DCC: variants seen among roughly 807,000 people sequenced by gnomAD.
DCC encodes the protein netrin receptor DCC.
In DCC, 58 loss-of-function variants were observed where a neutral mutation model predicts 172.5. That is an observed-to-expected ratio of 0.34 (90% CI 0.27 to 0.42). The LOEUF is 0.42. Ranked by LOEUF, DCC falls within the 10% of genes least tolerant of loss-of-function variation. The pLI, the probability that DCC is intolerant of heterozygous loss-of-function variation, is 1.00. For synonymous variants in DCC, 709 were observed against 644.5 expected (o/e 1.10, Z -1.52); for missense variants, 1,740 against 1,791.0 (o/e 0.97, Z 0.51).
intron 3 of DCC, among the ~76,000 whole-genome samples, chr18:52,922,671 CAAAT>C (rs748556397): frequency 4.6e-5 from 7 of 152,120 alleles, no homozygotes; most frequent in African/African-American, 7.2e-5. Flanking sequence ...CATCTTGTCT[CAAAT>C]AAACTTTGAG....
At chr18:53,349,700 G>C (rs955916330) in intron 15 of DCC, among the ~76,000 whole-genome samples, 4 of 152,218 alleles carry the variant, frequency 2.6e-5, no homozygotes, top group Non-Finnish European at 5.9e-5. Flanking sequence ...CCAAAAGAGA[G>C]CTTGTGCATA....
intron 14 of DCC, among the ~76,000 whole-genome samples, chr18:53,323,565 G>A (rs1189210416): frequency 6.6e-6 from 1 of 152,128 alleles, no homozygotes; most frequent in African/African-American, 2.4e-5. Context: ...GTGAAGTATA[G>A]GAAGTTGCCA....
At chr18:52,894,737 A>T (rs1197523846) in intron 2 of DCC, among the ~76,000 whole-genome samples, 1 of 152,008 alleles carries the variant, frequency 6.6e-6, no homozygotes, top group Non-Finnish European at 1.5e-5. Flanking sequence ...GCAAGAGAAG[A>T]CTAATGTCCC....
At chr18:52,776,140 A>T (rs921809180) in intron 2 of DCC, among the ~76,000 whole-genome samples, 3 of 152,224 alleles carry the variant, frequency 2.0e-5, no homozygotes, top group Non-Finnish European at 2.9e-5. Flanking sequence ...TTTTTGCAAC[A>T]CAACAGAGAA....
At chr18:52,706,740 G>C (rs886563260) in intron 1 of DCC, among the ~76,000 whole-genome samples, 1 of 152,204 alleles carries the variant, frequency 6.6e-6, no homozygotes, top group Non-Finnish European at 1.5e-5. Flanking sequence ...GTACTGGAAA[G>C]GGAGAGATGA....
At chr18:52,812,814 C>T (rs930044482) in intron 2 of DCC, among the ~76,000 whole-genome samples, 2 of 152,198 alleles carry the variant, frequency 1.3e-5, no homozygotes, top group East Asian at 3.9e-4. Flanking sequence ...TTCAACAGAT[C>T]TTAGCAACTA....
chr18:52,741,954 C>T (rs1038345040), intron 1 of DCC, among the ~76,000 whole-genome samples: 1 of 152,114 alleles, frequency 6.6e-6, no homozygotes, highest in Non-Finnish European at 1.5e-5. Flanking sequence ...TAGGGTTAGA[C>T]AAGATCATAA....
intron 12 of DCC, among the ~76,000 whole-genome samples, chr18:53,267,621 A>C (rs1409738113): frequency 6.6e-6 from 1 of 152,114 alleles, no homozygotes; most frequent in Non-Finnish European, 1.5e-5. Context: ...ATCATGCCCA[A>C]CTAATTTTTT....
intron 1 of DCC, among the ~76,000 whole-genome samples, chr18:52,698,146 A>C (rs927693903): frequency 6.6e-6 from 1 of 152,222 alleles, no homozygotes; most frequent in Non-Finnish European, 1.5e-5. Context: ...AGAAGTAATA[A>C]AAAATTCAAA....
intron 5 of DCC, among the ~76,000 whole-genome samples, chr18:52,950,480 G>A (rs1342955274): frequency 6.6e-6 from 1 of 152,094 alleles, no homozygotes; most frequent in African/African-American, 2.4e-5. Flanking sequence ...AAATTCCTTT[G>A]GACAAGAGAG....
chr18:53,412,742 C>T (rs537747410), intron 20 of DCC, among the ~76,000 whole-genome samples: 19 of 152,166 alleles, frequency 1.2e-4, no homozygotes, highest in East Asian at 3.9e-4. Flanking sequence ...TTGCAAGGAT[C>T]GCAGCATTTT....
intron 7 of DCC, among the ~76,000 whole-genome samples, chr18:53,154,804 AG>A (rs1292171164): frequency 6.6e-6 from 1 of 152,126 alleles, no homozygotes; most frequent in Non-Finnish European, 1.5e-5. Context: ...AAGCAGGCTG[AG>A]GGGGAGGGAG....
At chr18:53,525,518 C>T (rs2046444964) in intron 27 of DCC, among the ~76,000 whole-genome samples, 1 of 152,010 alleles carries the variant, frequency 6.6e-6, no homozygotes, top group Admixed American at 6.6e-5. Context: ...CAGGATTTAC[C>T]ATTTCTAGTG....
intron 17 of DCC, among the ~76,000 whole-genome samples, chr18:53,393,456 T>A (rs1249415781): frequency 6.6e-6 from 1 of 152,156 alleles, no homozygotes; most frequent in African/African-American, 2.4e-5. Flanking sequence ...GTAGTAGATT[T>A]AAGATTCAGC....
At chr18:52,916,269 A>G (rs868308457) in intron 3 of DCC, among the ~76,000 whole-genome samples, 72 of 151,930 alleles carry the variant, frequency 4.7e-4, no homozygotes, top group African/African-American at 1.7e-3. Context: ...CAATAGAAAA[A>G]CTTGCTGTTC....
At chr18:53,247,367 T>G (rs1217038145) in intron 12 of DCC, among the ~76,000 whole-genome samples, 1 of 152,026 alleles carries the variant, frequency 6.6e-6, no homozygotes, top group African/African-American at 2.4e-5. Context: ...CATAAAATGT[T>G]GTATTTAAAA....
At chr18:52,924,689 C>T (rs544327027) in intron 4 of DCC, among the ~76,000 whole-genome samples, 9 of 152,066 alleles carry the variant, frequency 5.9e-5, no homozygotes, top group Admixed American at 5.9e-4. Flanking sequence ...CTTTAAATTT[C>T]ATTTACCTTA....
At chr18:53,122,750 CA>C (rs1322277338) in intron 7 of DCC, among the ~76,000 whole-genome samples, 1 of 151,994 alleles carries the variant, frequency 6.6e-6, no homozygotes, top group Admixed American at 6.6e-5. Context: ...ATGGTTATTG[CA>C]GAAGTAGATA....
chr18:52,832,908 T>A (rs1279672632), intron 2 of DCC, among the ~76,000 whole-genome samples: 1 of 152,090 alleles, frequency 6.6e-6, no homozygotes, highest in East Asian at 1.9e-4. Flanking sequence ...TTCCAGACAT[T>A]ACTAAATTTT....
Sources: allele counts gnomAD v4.1 joint callset (sites outside exome capture counted in the v4.1 genomes callset), GRCh38; gene constraint gnomAD v4.1.1; transcripts MANE v1.5; gene names NCBI Gene and HGNC (gene_info 2026-07-23, HGNC 2026-07-21).